The following DNAJC27 variants were observed in gnomAD, a reference collection of about 807,000 sequenced individuals.
DNAJC27 encodes the protein DnaJ heat shock protein family (Hsp40) member C27, also known as dnaJ homolog subfamily C member 27.
DNAJC27 carries 25 observed loss-of-function variants against 31.4 expected under a neutral mutation model. That is an observed-to-expected ratio of 0.80 (90% CI 0.58 to 1.11). The LOEUF (loss-of-function observed/expected upper bound fraction) is 1.11. Ranked by LOEUF, DNAJC27 falls within the 50% of genes most tolerant of loss-of-function variation. DNAJC27 has a pLI of 0.00. For missense variants in DNAJC27, 356 were observed against 347.3 expected, an observed-to-expected ratio of 1.02 and a Z score of -0.20; for synonymous variants, 106 against 112.7, an observed-to-expected ratio of 0.94 and a Z score of 0.37.
intron 1 of DNAJC27, chr2:24,969,233 T>C: frequency 5.0e-6 from 1 of 198,856 alleles, no homozygotes; most frequent in South Asian, 9.8e-5. Context: ...AGAACCAAAC[T>C]TGAAAAGGGA....
intron 6 of DNAJC27, among the ~76,000 whole-genome samples, chr2:24,948,464 A>G (rs1665695554): frequency 1.3e-5 from 2 of 152,254 alleles, no homozygotes; most frequent in Admixed American, 1.3e-4. Flanking sequence ...CAAGGTCACG[A>G]GGAATCTGAG....
In DNAJC27 at chr2:24,947,656, A is replaced by C. The variant is rs1379900822; in HGVS notation, c.782T>G (p.Val261Gly). Residue 261 changes from valine to glycine, a missense_variant, in exon 7 of 7, where the codon GTT (valine) becomes GGT (glycine). Physicochemically the swap from Val to Gly is moderately radical, Grantham distance 109. Transcript: ENST00000264711. ...CAGGAGGGCTGTCCGAGCATTCACA[A>C]CTGCTTTGAAGGCATCTTCACTGCC... ...APGSEDAFKA[V>G]VNARTALLKN... 6.2e-7 allele frequency: 1 copy of C among 1,611,984 alleles called. No individual in the cohort carries two copies. Among genetic ancestry groups the C allele is most frequent in the Non-Finnish European group, 8.5e-7 (1 of 1,178,274 alleles).
rs1399608876 is a variant in DNAJC27 at position 24,943,831 on chromosome 2, G to C, written c.*3785C>G. ...CACAGTTAAGGGGGAAGAACGCCCA[G>C]GGGCAATCAATGCAGGAAGCTAACC... On this transcript the variant is annotated 3_prime_UTR_variant, in exon 7 of 7. Transcript: ENST00000264711. 6.6e-6 allele frequency: 1 copy of C among 152,660 alleles called. No individual in the cohort carries two copies. The highest frequency in any genetic ancestry group is 6.5e-5 in the Admixed American group (1 of 15,284). The allele number at this position is 152,660 out of a possible 1,614,324, so 9.5% of individuals were successfully genotyped here. A position where few individuals can be genotyped will look rare whatever the true frequency, so the allele number is the denominator to read the frequency against.
intron 6 of DNAJC27, among the ~76,000 whole-genome samples, chr2:24,948,494 C>T (rs1665696003): frequency 6.6e-6 from 1 of 152,164 alleles, no homozygotes; most frequent in South Asian, 2.1e-4. Context: ...GGTGACACCA[C>T]TGAGCAAGCA....
chr2:24,963,193 T>C (rs915286926), intron 3 of DNAJC27: 19 of 406,924 alleles, frequency 4.7e-5, no homozygotes, highest in African/African-American at 3.9e-4. Flanking sequence ...GTTTGAAATA[T>C]TGGCAATGAA....
intron 6 of DNAJC27, among the ~76,000 whole-genome samples, chr2:24,948,744 A>C (rs552803478): frequency 6.4e-4 from 98 of 152,240 alleles, no homozygotes; most frequent in African/African-American, 2.2e-3. Context: ...ACTGGTCATC[A>C]TCCTCTGGTG....
chr2:24,971,809 T>A lies in DNAJC27; in HGVS notation c.87+9A>T, dbSNP rs772968062. Reference sequence around the variant, plus strand: ...CTGGGGCCCGCCCCTCCCGGCTCGCTGTACTCACTTTCCCCACTTCGGCGT... The same window carrying A: ...CTGGGGCCCGCCCCTCCCGGCTCGCAGTACTCACTTTCCCCACTTCGGCGT... On this transcript the variant is annotated intron_variant, in intron 1 of 6. Transcript: ENST00000264711. 5.0e-6 allele frequency: 8 copies of A among 1,603,998 alleles called. No individual in the cohort carries two copies. The South Asian group carries it at 7.8e-5, about 16-fold the overall frequency.
At chr2:24,966,578 C>T (rs187647328) in intron 2 of DNAJC27, among the ~76,000 whole-genome samples, 149 of 152,296 alleles carry the variant, frequency 9.8e-4, no homozygotes, top group African/African-American at 3.5e-3. Context: ...CCTGCCTCAG[C>T]ATCCTGAGTA....
intron 1 of DNAJC27, chr2:24,969,131 A>G: frequency 5.0e-6 from 1 of 199,914 alleles, no homozygotes; most frequent in South Asian, 9.6e-5. Flanking sequence ...CTTCAGGGAG[A>G]TCAGGAGCAA....
Position 24,966,147 on chromosome 2 carries a change from A to G in DNAJC27, c.170+1064T>C, listed in dbSNP as rs147641515. Among the ~76,000 whole-genome samples the G allele has an allele frequency of 1.1e-4, 16 of 152,332 alleles. No homozygotes were observed. In the East Asian group the frequency reaches 2.3e-3, roughly 22 times the overall value. On this transcript the variant is annotated intron_variant, in intron 2 of 6. Transcript: ENST00000264711. ...ACCTTACGGGAACAGGAGAATGTTT[A>G]TATCTTGGAGAAATGGGCAGGGCTG...
At chr2:24,951,925 A>G (rs1396492076) in intron 5 of DNAJC27, among the ~76,000 whole-genome samples, 1 of 152,108 alleles carries the variant, frequency 6.6e-6, no homozygotes, top group Non-Finnish European at 1.5e-5. Context: ...CCTGGGCAAC[A>G]TGGCAAACCC....
chr2:24,953,185 T>A (rs1665824086), intron 5 of DNAJC27, among the ~76,000 whole-genome samples: 1 of 152,222 alleles, frequency 6.6e-6, no homozygotes, highest in Non-Finnish European at 1.5e-5. Flanking sequence ...TATCTCCTCC[T>A]AATTTCTTTA....
intron 3 of DNAJC27, 42 bp downstream of exon 3, chr2:24,963,363 C>T (rs548797143): frequency 2.6e-6 from 4 of 1,515,200 alleles, no homozygotes; most frequent in Admixed American, 1.7e-5. Flanking sequence ...CCCAAACCAC[C>T]AACAATACTG....
At chr2:24,949,070 T>G (rs1157827022) in intron 6 of DNAJC27, among the ~76,000 whole-genome samples, 1 of 152,190 alleles carries the variant, frequency 6.6e-6, no homozygotes, top group African/African-American at 2.4e-5. Context: ...TTCTAGGGCC[T>G]TTTCTGCTTT....
chr2:24,947,728 T>C lies in DNAJC27; in HGVS notation c.710A>G (p.Tyr237Cys). Residue 237 changes from tyrosine (Y) to cysteine (C), a missense_variant, in exon 7 of 7, where the codon TAT (tyrosine) becomes TGT (cysteine). By Grantham distance (194) the Tyr-to-Cys change is radical (BLOSUM62 -2). Coordinates refer to ENST00000264711, the MANE Select transcript of DNAJC27 (RefSeq NM_016544.3). ...GTGAAGAAGCACAGCAAGTTTCCGA[T>C]ACGCTTTATTGACTTCATCCCTGGG... ...GASRDEVNKA[Y>C]RKLAVLLHPD... The C allele has an allele frequency of 6.2e-7, 1 of 1,613,526 alleles. No individual in the cohort carries two copies. Among genetic ancestry groups the C allele is most frequent in the Non-Finnish European group, 8.5e-7 (1 of 1,179,476 alleles).
At chr2:24,951,317 T>A in intron 6 of DNAJC27, 77 bp downstream of exon 6, 4 of 1,388,082 alleles carry the variant, frequency 2.9e-6, no homozygotes, top group Non-Finnish European at 3.9e-6. Context: ...TGGAGGAAGA[T>A]ATACTGCACC....
At position 24,958,683 on chromosome 2, in the gene DNAJC27, T is replaced by C. The variant is rs1018217823; in HGVS notation, c.241-709A>G. The C allele has an allele frequency of 2.0e-5, 4 of 196,570 alleles. No homozygotes were observed. The South Asian group carries it at 2.1e-4, about 10-fold the overall frequency. 12.2% of individuals were successfully genotyped at this position (196,570 alleles called of 1,614,324 possible). On this transcript the variant is annotated intron_variant, in intron 3 of 6. Transcript: ENST00000264711. ...GATAATGCAGGCAAAGTACTTAGCA[T>C]GGTGCCTGAAAAACAATGTCTATTT...
rs1488192871 is a variant in DNAJC27, at chr2:24,944,276, G to T, written c.*3340C>A. 6.6e-6 allele frequency: 1 copy of T among 151,876 alleles called. No homozygotes were observed. The highest frequency in any genetic ancestry group is 1.5e-5 in the Non-Finnish European group (1 of 68,024). The allele number at this position is 151,876 out of a possible 1,614,324, so 9.4% of individuals were successfully genotyped here. A position where few individuals can be genotyped will look rare whatever the true frequency, so the allele number is the denominator to read the frequency against. The stretch of plus-strand genomic sequence containing the variant: ...AAAGGCAACAAGCACATGGCTTACA[G>T]CTCCACCTTTCTAACTTTTGGCAAA... On this transcript the variant is annotated 3_prime_UTR_variant, in exon 7 of 7. Coordinates refer to ENST00000264711, the MANE Select transcript of DNAJC27 (RefSeq NM_016544.3).
In DNAJC27 at chr2:24,963,494, A is replaced by C. The variant is rs199534250; in HGVS notation, c.171-20T>G. 3.8e-4 allele frequency: 603 copies of C among 1,599,702 alleles called. 1 individual carries two copies. Among genetic ancestry groups the C allele is most frequent in the Non-Finnish European group, 5.0e-4 (588 of 1,168,860 alleles). The stretch of plus-strand genomic sequence containing the variant: ...TGTACCCTGAAATGTTCAAATGGAA[A>C]CAATCCGAAAGAAAGTCATGGTTTC... On this transcript the variant is annotated intron_variant, in intron 2 of 6. Coordinates refer to ENST00000264711, the MANE Select transcript of DNAJC27 (RefSeq NM_016544.3).
Sources: gnomAD v4.1 joint callset for allele counts (sites outside exome capture counted in the v4.1 genomes callset) on GRCh38, gnomAD v4.1.1 for gene constraint, MANE v1.5 for transcripts, NCBI Gene and HGNC (gene_info 2026-07-23, HGNC 2026-07-21) for gene names.